CFAP74: variants seen among roughly 807,000 people sequenced by gnomAD.
CFAP74 encodes cilia- and flagella-associated protein 74.
Under a neutral mutation model 188.9 loss-of-function variants are expected in CFAP74, and 124 were observed. That is an observed-to-expected ratio of 0.66 (90% CI 0.57 to 0.76). The LOEUF is 0.76. CFAP74 is among the 30% of genes least tolerant of loss of function. The pLI is 0.00. For missense variants in CFAP74, 2,198 were observed against 2,165.2 expected (o/e 1.02, Z -0.30); for synonymous variants, 956 against 916.7 (o/e 1.04, Z -0.77).
rs1325374768 is a variant in CFAP74 at position 1,942,125 on chromosome 1, C to T, written c.2518G>A (p.Val840Met). The change falls in exon 22 of 39, where the codon GTG (valine) becomes ATG (methionine). Residue 840 changes from valine (V) to methionine (M), a missense_variant. Physicochemically the swap from Val to Met is conservative, Grantham distance 21 (BLOSUM62 1). Coordinates refer to ENST00000682832, the MANE Select transcript of CFAP74 (RefSeq NM_001304360.2). The surrounding 1 kb of genome is among the most constrained non-coding windows in gnomAD (Gnocchi z 4.3). ...SKAALRLKFE[V>M]CKELRAHLEL... is the part of the protein sequence containing the mutation. ...AGGTGGGCCCTCAGCTCCTTGCACA[C>T]CTCGAACTTCAGGCGCAGGGCAGCT... 2.0e-6 allele frequency: 3 copies of T among 1,527,940 alleles called. No individual in the cohort carries two copies. The highest frequency in any genetic ancestry group is 2.6e-6 in the Non-Finnish European group (3 of 1,143,710). The allele number at this position is 1,527,940 out of a possible 1,614,324, so 94.6% of individuals were successfully genotyped here. A position where few individuals can be genotyped will look rare whatever the true frequency, so the allele number is the denominator to read the frequency against.
chr1:1,995,028 G>A (rs1657841954), intron 1 of CFAP74, among the ~76,000 whole-genome samples: 1 of 152,152 alleles, frequency 6.6e-6, no homozygotes, highest in African/African-American at 2.4e-5. Flanking sequence ...TCAGGACTGG[G>A]CAGCTTCAGG....
chr1:1,990,791 C>T (rs1055618597), intron 2 of CFAP74, 99 bp downstream of exon 2: 1 of 830,570 alleles, frequency 1.2e-6, no homozygotes, highest in Non-Finnish European at 1.9e-6. Flanking sequence ...AAAAGATACC[C>T]TCTCCCAGAA....
At chr1:1,987,450 C>T (rs977884689) in intron 4 of CFAP74, among the ~76,000 whole-genome samples, 4 of 152,058 alleles carry the variant, frequency 2.6e-5, no homozygotes, top group African/African-American at 7.2e-5. Flanking sequence ...GGGCATGGGC[C>T]GGGACAGAAT....
At chr1:1,957,470 T>C (rs1654728016) in intron 16 of CFAP74, among the ~76,000 whole-genome samples, 1 of 152,188 alleles carries the variant, frequency 6.6e-6, no homozygotes, top group South Asian at 2.1e-4. Flanking sequence ...GCCTGGGTCC[T>C]GTTCTCCCCT....
At position 1,966,664 on chromosome 1, in the gene CFAP74, G is replaced by A. The variant is rs894044209; in HGVS notation, c.1246-138C>T. 1.1e-5 allele frequency: 7 copies of A among 608,958 alleles called. No homozygotes were observed. In the East Asian group the frequency reaches 1.7e-4, roughly 15 times the overall value. 37.7% of individuals were successfully genotyped at this position (608,958 alleles called of 1,614,324 possible). ...CTCACGTACTCTGCATGGAGATAGC[G>A]GTGCACACGGTTTTGTAACTTTTTC... On this transcript the variant is annotated intron_variant, in intron 11 of 38. Coordinates refer to ENST00000682832, the MANE Select transcript of CFAP74 (RefSeq NM_001304360.2).
intron 25 of CFAP74, among the ~76,000 whole-genome samples, chr1:1,934,871 G>A (rs201688453): frequency 0.07 from 3,391 of 48,532 alleles, 15 homozygotes; most frequent in East Asian, 0.12. Context: ...ACACACGTGT[G>A]TGCGTGGGTG....
At position 1,942,001 on chromosome 1, in the gene CFAP74, T is replaced by A. The variant is rs1194002979; in HGVS notation, c.2615+27A>T. 2.7e-6 allele frequency: 4 copies of A among 1,471,092 alleles called. No individual in the cohort carries two copies. In the East Asian group the frequency reaches 1.0e-4, roughly 38 times the overall value. 91.1% of individuals were successfully genotyped at this position (1,471,092 alleles called of 1,614,324 possible). ...GCCCACAACCTCCCACGTCCTCCTGTCCCGGCCTTGGCGTCCTGGCACCTA... is the reference window on the plus strand; with the variant it reads ...GCCCACAACCTCCCACGTCCTCCTGACCCGGCCTTGGCGTCCTGGCACCTA... On this transcript the variant is annotated intron_variant, in intron 22 of 38. Transcript: ENST00000682832. This position sits in a 1 kb window ranked among gnomAD's most constrained non-coding sequence, Gnocchi z 4.3.
intron 1 of CFAP74, among the ~76,000 whole-genome samples, chr1:1,992,765 C>T (rs896432907): frequency 7.2e-5 from 11 of 151,968 alleles, no homozygotes; most frequent in Admixed American, 4.6e-4. Context: ...TGAGCCACCA[C>T]GCCTGGCCCA....
intron 6 of CFAP74, 49 bp downstream of exon 6, chr1:1,985,337 A>C (rs1570978676): frequency 2.0e-6 from 3 of 1,512,098 alleles, no homozygotes; most frequent in Non-Finnish European, 2.8e-6. Context: ...AAGGACTCGC[A>C]CCGTTCTGGG....
Position 1,988,457 on chromosome 1 carries a change from C to T in CFAP74, c.296+55G>A, listed in dbSNP as rs147104942. The T allele has an allele frequency of 1.6e-4, 259 of 1,598,592 alleles. No homozygotes were observed. In the African/African-American group the frequency reaches 3.1e-3, roughly 19 times the overall value. On this transcript the variant is annotated intron_variant, in intron 4 of 38. Coordinates refer to ENST00000682832, the MANE Select transcript of CFAP74 (RefSeq NM_001304360.2). ...AGGACCACCCCTGCTGCACCCATGT[C>T]ACGGCCTGGGGGGCATCAAGAGGTG...
At chr1:1,997,819 T>G (rs941347210) in intron 1 of CFAP74, among the ~76,000 whole-genome samples, 6 of 151,452 alleles carry the variant, frequency 4.0e-5, no homozygotes, top group Non-Finnish European at 7.4e-5. Context: ...TGGAGGAAAA[T>G]AAGGAAGGGG....
At chr1:1,985,241 C>A in intron 6 of CFAP74, 145 bp downstream of exon 6, 1 of 648,978 alleles carries the variant, frequency 1.5e-6, no homozygotes, top group Non-Finnish European at 2.8e-6. Context: ...CCAACCACTG[C>A]ATTCACCGAG....
At position 1,926,050 on chromosome 1, in the gene CFAP74, G is replaced by A. The variant is rs550318916; in HGVS notation, c.3949-112C>T. ...GCTGGAGTTGAGACAGCTCTGGGGG[G>A]GCTCTGTCAGCTCCGCTCACTTGGC... On this transcript the variant is annotated intron_variant, in intron 32 of 38. Coordinates refer to ENST00000682832, the MANE Select transcript of CFAP74 (RefSeq NM_001304360.2). 4 of 1,402,726 alleles carry A rather than the reference G, an allele frequency of 2.9e-6. No individual in the cohort carries two copies. In the African/African-American group the frequency reaches 5.8e-5, roughly 20 times the overall value. The allele number at this position is 1,402,726 out of a possible 1,614,324, so 86.9% of individuals were successfully genotyped here.
intron 1 of CFAP74, among the ~76,000 whole-genome samples, chr1:1,999,136 G>T (rs1658072595): frequency 6.6e-6 from 1 of 152,198 alleles, no homozygotes; most frequent in Admixed American, 6.5e-5. Flanking sequence ...TTTGAAGGGG[G>T]AAGGGGTGCC....
At chr1:1,946,071 A>ACGTGCATGTGTGCATGTGTATG (rs1344235981) in intron 20 of CFAP74, among the ~76,000 whole-genome samples, 8 of 151,994 alleles carry the variant, frequency 5.3e-5, no homozygotes, top group African/African-American at 1.9e-4. Context: ...GCATGTGTAT[A>ACGTGCATGTGTGCATGTGTATG]CATGCATGTT....
In CFAP74 at chr1:1,968,514, C is replaced by T. The variant is rs1357162514; in HGVS notation, c.1245+121G>A. The T allele has an allele frequency of 4.9e-6, 4 of 818,456 alleles. No individual in the cohort carries two copies. Among genetic ancestry groups the T allele is most frequent in the African/African-American group, 3.4e-5 (2 of 58,510 alleles). 50.7% of individuals were successfully genotyped at this position (818,456 alleles called of 1,614,324 possible). A position where few individuals can be genotyped will look rare whatever the true frequency, so the allele number is the denominator to read the frequency against. On this transcript the variant is annotated intron_variant, in intron 11 of 38. Coordinates refer to ENST00000682832, the MANE Select transcript of CFAP74 (RefSeq NM_001304360.2). This position sits in a 1 kb window ranked among gnomAD's most constrained non-coding sequence, Gnocchi z 4.3. Reference sequence around the variant, plus strand: ...GCGGCCACTCAGCGGGCTCAGCAACCCCCTGCAGGTGGCCATGGTGCTGAG... The same window carrying T: ...GCGGCCACTCAGCGGGCTCAGCAACTCCCTGCAGGTGGCCATGGTGCTGAG...
At chr1:1,945,609 C>T (rs1169274630) in intron 20 of CFAP74, among the ~76,000 whole-genome samples, 3 of 152,082 alleles carry the variant, frequency 2.0e-5, no homozygotes, top group Admixed American at 2.0e-4. Context: ...GGGCGGATCA[C>T]TTGAGGTCAG....
At chr1:1,926,424 C>T (rs779070343) in intron 31 of CFAP74, 33 bp downstream of exon 31, 764 of 1,550,142 alleles carry the variant, frequency 4.9e-4, no homozygotes, top group Non-Finnish European at 6.3e-4. Flanking sequence ...GCTCCCACCC[C>T]GCAGGCCGCC....
intron 18 of CFAP74, among the ~76,000 whole-genome samples, chr1:1,950,774 A>G (rs2102056266): frequency 6.6e-6 from 1 of 152,322 alleles, no homozygotes; most frequent in South Asian, 2.1e-4. Context: ...CAGTCTCTTA[A>G]CAGCGTCTTT....
Sources: allele counts gnomAD v4.1 joint callset (sites outside exome capture counted in the v4.1 genomes callset), GRCh38; gene constraint gnomAD v4.1.1; non-coding constraint Gnocchi (gnomAD v3.1); transcripts MANE v1.5; gene names NCBI Gene and HGNC (gene_info 2026-07-23, HGNC 2026-07-21).